CCSER1: variants seen among roughly 807,000 people sequenced by gnomAD.
CCSER1 encodes the protein coiled-coil serine rich protein 1.
Under a neutral mutation model 82.0 loss-of-function variants are expected in CCSER1, and 41 were observed. The observed-to-expected ratio is 0.50, with a 90% CI of 0.39 to 0.65. The LOEUF (loss-of-function observed/expected upper bound fraction) is 0.65, where lower values mean the gene tolerates loss of function less well. Ranked by LOEUF, CCSER1 falls within the 30% of genes least tolerant of loss-of-function variation. CCSER1 has a pLI of 0.00. For synonymous variants in CCSER1, 414 were observed against 383.9 expected (o/e 1.08, Z -0.92); for missense variants, 1,119 against 1,064.2 (o/e 1.05, Z -0.72).
chr4:90,477,362 A>G (rs548271434), intron 5 of CCSER1, among the ~76,000 whole-genome samples: 1 of 152,294 alleles, frequency 6.6e-6, no homozygotes, highest in East Asian at 1.9e-4. Flanking sequence ...ATTCTTATAT[A>G]TATAATAAAG....
At chr4:90,504,600 A>T (rs1184882686) in intron 5 of CCSER1, among the ~76,000 whole-genome samples, 7 of 152,208 alleles carry the variant, frequency 4.6e-5, no homozygotes, top group African/African-American at 1.7e-4. Flanking sequence ...TCTAATAAGG[A>T]TCTATTAGAC....
intron 3 of CCSER1, among the ~76,000 whole-genome samples, chr4:90,338,669 A>G (rs1401625695): frequency 6.6e-6 from 1 of 152,190 alleles, no homozygotes; most frequent in African/African-American, 2.4e-5. Flanking sequence ...GTTTATACAA[A>G]AAATAATGAA....
intron 10 of CCSER1, among the ~76,000 whole-genome samples, chr4:91,468,772 G>A (rs1007554289): frequency 6.6e-6 from 1 of 151,948 alleles, no homozygotes; most frequent in Non-Finnish European, 1.5e-5. Flanking sequence ...AGTTTACTTG[G>A]GAGAGGTGCA....
chr4:90,582,212 C>T (rs1447000896), intron 5 of CCSER1, among the ~76,000 whole-genome samples: 1 of 152,110 alleles, frequency 6.6e-6, no homozygotes, highest in Non-Finnish European at 1.5e-5. Flanking sequence ...TATTGTGGCT[C>T]AAGGCAGAAT....
chr4:91,021,486 G>C (rs1739959569), intron 9 of CCSER1, among the ~76,000 whole-genome samples: 1 of 152,104 alleles, frequency 6.6e-6, no homozygotes, highest in Non-Finnish European at 1.5e-5. Flanking sequence ...CAATGACAAA[G>C]TGTAAATTTG....
At chr4:91,319,672 C>T (rs1252289995) in intron 10 of CCSER1, 1 of 455,714 alleles carries the variant, frequency 2.2e-6, no homozygotes, top group African/African-American at 2.0e-5. Flanking sequence ...CTGTGATTCT[C>T]CCTTCTCCAC....
intron 3 of CCSER1, among the ~76,000 whole-genome samples, chr4:90,375,625 C>G (rs1343810095): frequency 1.3e-5 from 2 of 152,190 alleles, no homozygotes; most frequent in Non-Finnish European, 2.9e-5. Context: ...CACCACATAA[C>G]TCTAACCATG....
intron 10 of CCSER1, among the ~76,000 whole-genome samples, chr4:91,468,700 AAATT>A (rs1757087793): frequency 6.6e-6 from 1 of 151,970 alleles, no homozygotes; most frequent in African/African-American, 2.4e-5. Flanking sequence ...TTAATCATAA[AAATT>A]ATTAAAATAT....
At chr4:90,933,004 GAAAGAAAGAAAGAAAGAAAGAAAGAA>G (rs1730300945) in intron 9 of CCSER1, among the ~76,000 whole-genome samples, 1 of 69,956 alleles carries the variant, frequency 1.4e-5, no homozygotes, top group African/African-American at 1.0e-4. Context: ...AAGAAAGAAA[GAAAGAAAGAAAGAAAGAAAGAAAGAA>G]AGAAAGAAAG....
intron 3 of CCSER1, among the ~76,000 whole-genome samples, chr4:90,383,932 AT>A (rs986240279): frequency 2.0e-5 from 3 of 150,868 alleles, no homozygotes; most frequent in African/African-American, 7.3e-5. Flanking sequence ...TTATTTTCTT[AT>A]TTTTATTTTT....
At chr4:90,481,577 G>A (rs1042748796) in intron 5 of CCSER1, among the ~76,000 whole-genome samples, 4 of 152,172 alleles carry the variant, frequency 2.6e-5, no homozygotes, top group South Asian at 2.1e-4. Context: ...TTTTTAGCAC[G>A]AAGTGTTGTT....
At chr4:91,206,002 G>C (rs1736313352) in intron 10 of CCSER1, among the ~76,000 whole-genome samples, 1 of 151,734 alleles carries the variant, frequency 6.6e-6, no homozygotes, top group Non-Finnish European at 1.5e-5. Flanking sequence ...AGAGAGCTAA[G>C]GGAAAATAAA....
At chr4:91,464,187 G>A (rs920806355) in intron 10 of CCSER1, among the ~76,000 whole-genome samples, 1 of 124,386 alleles carries the variant, frequency 8.0e-6, no homozygotes, top group Admixed American at 8.3e-5. Context: ...AGAAGAGAGT[G>A]GGGGCCAATA....
At chr4:91,038,725 CCT>C (rs2150572394) in intron 9 of CCSER1, among the ~76,000 whole-genome samples, 1 of 152,250 alleles carries the variant, frequency 6.6e-6, no homozygotes, top group Admixed American at 6.5e-5. Flanking sequence ...ATATTTCCCC[CCT>C]TTTTATTCAA....
At chr4:90,747,072 GAA>G (rs1747600171) in intron 7 of CCSER1, among the ~76,000 whole-genome samples, 2 of 152,158 alleles carry the variant, frequency 1.3e-5, no homozygotes, top group South Asian at 4.2e-4. Flanking sequence ...GAGGTAGAGA[GAA>G]GAGAAAAGGA....
intron 6 of CCSER1, among the ~76,000 whole-genome samples, chr4:90,656,563 C>T (rs1729739441): frequency 6.6e-6 from 1 of 151,774 alleles, no homozygotes; most frequent in Non-Finnish European, 1.5e-5. Context: ...TCTCTAGTGA[C>T]AGCATATAGT....
chr4:90,425,440 T>G (rs560668210), intron 4 of CCSER1, among the ~76,000 whole-genome samples: 9 of 152,320 alleles, frequency 5.9e-5, no homozygotes, highest in Admixed American at 6.5e-5. Context: ...TTTGAATTCT[T>G]GCTTTTCTTA....
intron 10 of CCSER1, among the ~76,000 whole-genome samples, chr4:91,520,007 T>A (rs1760368702): frequency 6.6e-6 from 1 of 152,224 alleles, no homozygotes; most frequent in Non-Finnish European, 1.5e-5. Flanking sequence ...TCAATTTACA[T>A]TTAAAGTACT....
chr4:91,276,306 T>A (rs1045106265), intron 10 of CCSER1, among the ~76,000 whole-genome samples: 8 of 151,112 alleles, frequency 5.3e-5, no homozygotes, highest in Non-Finnish European at 1.2e-4. Context: ...TTTTTTTTTT[T>A]TTTTTGTCCT....
Sources: gnomAD v4.1 joint callset for allele counts (sites outside exome capture counted in the v4.1 genomes callset) on GRCh38, gnomAD v4.1.1 for gene constraint, MANE v1.5 for transcripts, NCBI Gene and HGNC (gene_info 2026-07-23, HGNC 2026-07-21) for gene names.